LHFPL6: variants seen among roughly 807,000 people sequenced by gnomAD.
LHFPL6 encodes LHFPL tetraspan subfamily member 6.
LHFPL6 carries 9 observed loss-of-function variants against 20.6 expected under a neutral mutation model. The observed-to-expected ratio is 0.44, with a 90% CI of 0.26 to 0.76. LHFPL6 has a LOEUF of 0.76. LHFPL6 is among the 30% of genes least tolerant of loss of function. The pLI, the probability that LHFPL6 is intolerant of heterozygous loss-of-function variation, is 0.20. For synonymous variants in LHFPL6, 105 were observed against 98.7 expected (o/e 1.06, Z -0.38); for missense variants, 218 against 253.5 (o/e 0.86, Z 0.95).
At chr13:39,435,042 G>A (rs868048725) in intron 2 of LHFPL6, among the ~76,000 whole-genome samples, 1,208 of 110,344 alleles carry the variant, frequency 0.011, 18 homozygotes, top group African/African-American at 0.04. Context: ...CGACCTGGGC[G>A]ACAGAGCGAG....
intron 2 of LHFPL6, among the ~76,000 whole-genome samples, chr13:39,571,342 C>T (rs1458828141): frequency 6.6e-6 from 1 of 152,194 alleles, no homozygotes. Flanking sequence ...ATATCCCTAC[C>T]CTTTCCTAAT....
At chr13:39,560,492 T>C (rs915804687) in intron 2 of LHFPL6, among the ~76,000 whole-genome samples, 2 of 150,294 alleles carry the variant, frequency 1.3e-5, no homozygotes, top group Non-Finnish European at 3.0e-5. Flanking sequence ...TCCTTTGGGT[T>C]ATGCAAATTC....
intron 2 of LHFPL6, among the ~76,000 whole-genome samples, chr13:39,542,096 T>TATTATAATAATA (rs368856568): frequency 7.3e-6 from 1 of 137,132 alleles, no homozygotes; most frequent in Non-Finnish European, 1.5e-5. Flanking sequence ...ATCTCAAAAA[T>TATTATAATAATA]ATAATAATAA....
intron 2 of LHFPL6, among the ~76,000 whole-genome samples, chr13:39,584,096 A>AT (rs1160350508): frequency 6.6e-6 from 1 of 151,972 alleles, no homozygotes; most frequent in Non-Finnish European, 1.5e-5. Flanking sequence ...TTTTACTTTC[A>AT]TTTTGGGGAG....
At chr13:39,466,284 A>G (rs999689237) in intron 2 of LHFPL6, among the ~76,000 whole-genome samples, 5 of 152,206 alleles carry the variant, frequency 3.3e-5, no homozygotes, top group African/African-American at 7.2e-5. Flanking sequence ...AGAAAAATGG[A>G]ACACTAAGGC....
intron 2 of LHFPL6, among the ~76,000 whole-genome samples, chr13:39,541,879 G>C (rs1470978838): frequency 6.6e-6 from 1 of 151,838 alleles, no homozygotes; most frequent in African/African-American, 2.4e-5. Flanking sequence ...CACGAGATCA[G>C]GAGATCGAGA....
intron 2 of LHFPL6, among the ~76,000 whole-genome samples, chr13:39,472,419 A>G (rs1454144983): frequency 6.6e-6 from 1 of 152,070 alleles, no homozygotes; most frequent in Non-Finnish European, 1.5e-5. Context: ...ACAGAAGTGA[A>G]TCTGCGTCCT....
chr13:39,592,553 G>A (rs1292713756), intron 2 of LHFPL6, among the ~76,000 whole-genome samples: 3 of 152,186 alleles, frequency 2.0e-5, no homozygotes, highest in Non-Finnish European at 4.4e-5. Context: ...ACAAGGAGGA[G>A]CTGGTACCAT....
intron 2 of LHFPL6, among the ~76,000 whole-genome samples, chr13:39,475,972 G>C (rs897165768): frequency 2.0e-5 from 3 of 152,106 alleles, no homozygotes; most frequent in Non-Finnish European, 4.4e-5. Context: ...AAAAAATAAT[G>C]TAGGTAATGA....
chr13:39,426,379 C>T (rs897766014), intron 2 of LHFPL6, among the ~76,000 whole-genome samples: 12 of 152,076 alleles, frequency 7.9e-5, no homozygotes, highest in African/African-American at 2.9e-4. Flanking sequence ...TGCCACCACG[C>T]TTGGCTAATT....
chr13:39,542,205 T>C (rs1194231872), intron 2 of LHFPL6, among the ~76,000 whole-genome samples: 1 of 151,764 alleles, frequency 6.6e-6, no homozygotes, highest in Non-Finnish European at 1.5e-5. Flanking sequence ...TTAGGGAGAC[T>C]CCTGGGATGC....
At chr13:39,456,587 A>G (rs1872575201) in intron 2 of LHFPL6, among the ~76,000 whole-genome samples, 1 of 152,234 alleles carries the variant, frequency 6.6e-6, no homozygotes, top group South Asian at 2.1e-4. Flanking sequence ...TAGATTTTTG[A>G]CAAAGATGCC....
chr13:39,519,717 T>G (rs113308333), intron 2 of LHFPL6, among the ~76,000 whole-genome samples: 11 of 152,278 alleles, frequency 7.2e-5, no homozygotes, highest in African/African-American at 2.6e-4. Flanking sequence ...TCTCTGACCT[T>G]TAGGTAAGCC....
At chr13:39,576,924 T>A (rs1872134992) in intron 2 of LHFPL6, among the ~76,000 whole-genome samples, 1 of 152,198 alleles carries the variant, frequency 6.6e-6, no homozygotes, top group South Asian at 2.1e-4. Context: ...TCACCAGTCC[T>A]GCATTAGATA....
intron 3 of LHFPL6, among the ~76,000 whole-genome samples, chr13:39,359,878 G>T (rs184181374): frequency 2.0e-5 from 3 of 152,230 alleles, no homozygotes; most frequent in African/African-American, 7.2e-5. Context: ...ATCAGATTTA[G>T]AGGACTGCAT....
At chr13:39,463,915 A>C (rs1185534599) in intron 2 of LHFPL6, among the ~76,000 whole-genome samples, 2 of 152,216 alleles carry the variant, frequency 1.3e-5, no homozygotes, top group Admixed American at 6.5e-5. Flanking sequence ...ATGCAAATTG[A>C]GCAAACCTAA....
At chr13:39,463,553 G>A (rs966210759) in intron 2 of LHFPL6, among the ~76,000 whole-genome samples, 1 of 152,040 alleles carries the variant, frequency 6.6e-6, no homozygotes, top group Non-Finnish European at 1.5e-5. Context: ...TTGAGGTAGG[G>A]GCGAAGGTCA....
intron 3 of LHFPL6, among the ~76,000 whole-genome samples, chr13:39,356,234 C>T (rs1048627175): frequency 6.6e-6 from 1 of 152,166 alleles, no homozygotes; most frequent in Non-Finnish European, 1.5e-5. Flanking sequence ...CTCAAAACCA[C>T]ATAATTACAT....
chr13:39,359,473 C>T (rs1247360972), intron 3 of LHFPL6, among the ~76,000 whole-genome samples: 3 of 148,948 alleles, frequency 2.0e-5, no homozygotes, highest in Non-Finnish European at 4.4e-5. Flanking sequence ...TGGAATACTA[C>T]ATGGCCATAA....
Sources: gnomAD v4.1 joint callset for allele counts (sites outside exome capture counted in the v4.1 genomes callset) on GRCh38, gnomAD v4.1.1 for gene constraint, MANE v1.5 for transcripts, NCBI Gene and HGNC (gene_info 2026-07-23, HGNC 2026-07-21) for gene names.